The following SAMMSON variants were observed in gnomAD, a reference collection of about 807,000 sequenced individuals.
The protein encoded by SAMMSON is long intergenic non-protein coding RNA 1212.
chr3:70,026,687 A>G (rs2067040446), intron 3 of SAMMSON, among the ~76,000 whole-genome samples: 1 of 152,136 alleles, frequency 6.6e-6, no homozygotes, highest in Admixed American at 6.6e-5. Context: ...CTCTTTAGAG[A>G]TTCATGTTGA....
chr3:70,051,582 G>A (rs1313308476), intron 3 of SAMMSON, among the ~76,000 whole-genome samples: 2 of 151,398 alleles, frequency 1.3e-5, no homozygotes, highest in Non-Finnish European at 1.5e-5. Flanking sequence ...ATGGACACAC[G>A]AAGATGGGAT....
At chr3:70,284,417 C>A (rs1702119936) in intron 6 of SAMMSON, among the ~76,000 whole-genome samples, 1 of 152,102 alleles carries the variant, frequency 6.6e-6, no homozygotes, top group African/African-American at 2.4e-5. Context: ...AAAGCAAAAA[C>A]AAAAAGAGAA....
chr3:70,030,803 A>G (rs1197284493), intron 3 of SAMMSON: 1 of 152,214 alleles, frequency 6.6e-6, no homozygotes, highest in Non-Finnish European at 1.5e-5. Flanking sequence ...TCAACTCAAC[A>G]TTGTTAGTCA....
At chr3:70,309,431 T>C (rs1242722936) in intron 7 of SAMMSON, among the ~76,000 whole-genome samples, 1 of 152,172 alleles carries the variant, frequency 6.6e-6, no homozygotes, top group East Asian at 1.9e-4. Context: ...GAGTAATGCT[T>C]TTAAAGAGGG....
chr3:70,086,033 T>G (rs2067284347), intron 4 of SAMMSON, among the ~76,000 whole-genome samples: 1 of 152,172 alleles, frequency 6.6e-6, no homozygotes, highest in Admixed American at 6.5e-5. Flanking sequence ...ACTTCTCAAG[T>G]AAGTATTTAT....
chr3:70,350,024 T>A (rs1428183972), intron 7 of SAMMSON, among the ~76,000 whole-genome samples: 1 of 152,194 alleles, frequency 6.6e-6, no homozygotes, highest in Non-Finnish European at 1.5e-5. Flanking sequence ...AAGGAAAATT[T>A]CCACTTAAAC....
At chr3:70,075,802 A>C (rs1448201811) in intron 4 of SAMMSON, among the ~76,000 whole-genome samples, 1 of 152,052 alleles carries the variant, frequency 6.6e-6, no homozygotes, top group East Asian at 1.9e-4. Context: ...TGTAGCTATA[A>C]AATCATCTTT....
At chr3:70,265,255 T>C (rs1285848436) in intron 6 of SAMMSON, among the ~76,000 whole-genome samples, 1 of 152,072 alleles carries the variant, frequency 6.6e-6, no homozygotes, top group Admixed American at 6.6e-5. Context: ...AGTTGAGATA[T>C]AGGGGATTGA....
chr3:70,302,932 A>C (rs531866947), intron 7 of SAMMSON, among the ~76,000 whole-genome samples: 3 of 152,162 alleles, frequency 2.0e-5, no homozygotes, highest in Non-Finnish European at 4.4e-5. Context: ...CAGCAGTAGG[A>C]TGTGACACTG....
intron 4 of SAMMSON, chr3:70,140,427 T>G (rs1485782923): frequency 5.3e-6 from 1 of 190,372 alleles, no homozygotes; most frequent in African/African-American, 2.3e-5. Flanking sequence ...GGAGGAGCTT[T>G]GGACTTTTTG....
At chr3:70,145,669 A>G (rs542299242) in intron 4 of SAMMSON, among the ~76,000 whole-genome samples, 114 of 152,232 alleles carry the variant, frequency 7.5e-4, no homozygotes, top group African/African-American at 2.6e-3. Context: ...AAAACAAAAC[A>G]TAACAAAATT....
chr3:70,136,064 A>G (rs1382691500), intron 4 of SAMMSON, among the ~76,000 whole-genome samples: 1 of 152,136 alleles, frequency 6.6e-6, no homozygotes, highest in Admixed American at 6.6e-5. Flanking sequence ...GAATATTTTA[A>G]TCAGATTTTT....
intron 3 of SAMMSON, among the ~76,000 whole-genome samples, chr3:70,023,983 G>C (rs1576100114): frequency 6.6e-6 from 1 of 150,964 alleles, no homozygotes; most frequent in African/African-American, 2.5e-5. Flanking sequence ...ACCTTATCAG[G>C]CTTGGTGCAG....
intron 4 of SAMMSON, among the ~76,000 whole-genome samples, chr3:70,090,278 T>C (rs1339201270): frequency 6.6e-6 from 1 of 152,166 alleles, no homozygotes; most frequent in East Asian, 1.9e-4. Context: ...AATCTTAGGG[T>C]GGCAAATACC....
At chr3:70,007,221 A>C (rs1433452421) in intron 1 of SAMMSON, among the ~76,000 whole-genome samples, 1 of 152,208 alleles carries the variant, frequency 6.6e-6, no homozygotes, top group African/African-American at 2.4e-5. Flanking sequence ...AGGAATCGCC[A>C]CCCTGACTTC....
Position 70,271,511 on chromosome 3 carries a change from C to G in SAMMSON, n.675-19668C>G, listed in dbSNP as rs953188967. Among the ~76,000 whole-genome samples, 6 of 152,156 alleles carry G rather than the reference C, an allele frequency of 3.9e-5. No homozygotes were observed. In the East Asian group the frequency reaches 1.2e-3, roughly 29 times the overall value. On this transcript the variant is annotated intron_variant and non_coding_transcript_variant, in intron 6 of 9. Coordinates refer to ENST00000642114, the Ensembl canonical transcript of SAMMSON. The stretch of plus-strand genomic sequence containing the variant: ...GAATTTTAAATGTTATTTTGCTTAA[C>G]TATTTAACAAACATCACCCTGGCCT...
chr3:70,417,674 C>T (rs1465400718), intron 2 of SAMMSON, among the ~76,000 whole-genome samples: 1 of 151,954 alleles, frequency 6.6e-6, no homozygotes, highest in African/African-American at 2.4e-5. Context: ...TTTAAAGAAG[C>T]TTATTTTTTT....
chr3:70,056,196 A>G (rs776010842), intron 3 of SAMMSON, among the ~76,000 whole-genome samples: 1 of 152,024 alleles, frequency 6.6e-6, no homozygotes, highest in Non-Finnish European at 1.5e-5. Flanking sequence ...TACTAATCTC[A>G]AATTTGATAG....
At chr3:70,108,341 A>G (rs1447114833) in intron 4 of SAMMSON, among the ~76,000 whole-genome samples, 6 of 151,744 alleles carry the variant, frequency 4.0e-5, no homozygotes, top group African/African-American at 1.5e-4. Context: ...TACGCAGGCA[A>G]TATAAGTGCT....
Sources: allele counts gnomAD v4.1 joint callset (sites outside exome capture counted in the v4.1 genomes callset), GRCh38; gene constraint gnomAD v4.1.1; transcripts MANE v1.5; gene names NCBI Gene and HGNC (gene_info 2026-07-23, HGNC 2026-07-21).